Variants in CCDC33 observed in about 807,000 individuals in gnomAD.
CCDC33 encodes coiled-coil domain containing 33, also known as coiled-coil domain-containing protein 33.
CCDC33 carries 94 observed loss-of-function variants against 91.9 expected under a neutral mutation model. The ratio of observed to expected loss-of-function variants is 1.02; its 90% CI spans 0.87 to 1.21. The LOEUF (loss-of-function observed/expected upper bound fraction) is 1.21. Ranked by LOEUF, CCDC33 falls within the 50% of genes most tolerant of loss-of-function variation. The probability of loss-of-function intolerance (pLI) is 0.00; values close to 1 mark genes in which losing one functional copy is unlikely to be tolerated. For synonymous variants in CCDC33, 396 were observed against 374.5 expected (o/e 1.06, Z -0.66); for missense variants, 940 against 935.5 (o/e 1.00, Z -0.06).
At chr15:74,318,839 C>T (rs988927822) in intron 11 of CCDC33, among the ~76,000 whole-genome samples, 3 of 152,204 alleles carry the variant, frequency 2.0e-5, no homozygotes, top group African/African-American at 7.2e-5. Flanking sequence ...GAATCTTTTG[C>T]AAGGCCCCTG....
intron 4 of CCDC33, among the ~76,000 whole-genome samples, chr15:74,266,996 TA>T (rs55840311): frequency 0.99 from 150,534 of 152,330 alleles, 74,409 homozygotes; most frequent in East Asian, 1. Context: ...TTCATCTCTG[TA>T]AAAACAGCTG....
rs761828549 is a variant in CCDC33 at position 74,336,105 on chromosome 15, C to T, written c.*52C>T. On this transcript the variant is annotated 3_prime_UTR_variant, in exon 19 of 19. Coordinates refer to ENST00000398814, the MANE Select transcript of CCDC33 (RefSeq NM_025055.5). ...GTGCTGGGGAGTCTCATCACCGCCC[C>T]CTAAAAATGACGTTATTAAATGTTG... 10 of 1,593,850 alleles carry T rather than the reference C, an allele frequency of 6.3e-6. No homozygotes were observed. In the East Asian group the frequency reaches 2.2e-4, roughly 36 times the overall value.
intron 2 of CCDC33, among the ~76,000 whole-genome samples, chr15:74,245,729 T>C (rs1435395285): frequency 7.9e-6 from 1 of 126,940 alleles, no homozygotes; most frequent in Non-Finnish European, 1.7e-5. Context: ...GCACCCTCCC[T>C]GTGGCTGCGG....
Position 74,333,236 on chromosome 15 carries a change from T to G in CCDC33, c.1938+391T>G, listed in dbSNP as rs752116512. The G allele has an allele frequency of 1.9e-6, 3 of 1,596,250 alleles. No individual in the cohort carries two copies. The African/African-American group carries it at 4.0e-5, about 21-fold the overall frequency. ...TCCATCCCAGGTGGACCCCGGGGAG[T>G]TGGGAGCAGGAGGAGACTTGACAGA... On this transcript the variant is annotated intron_variant, in intron 16 of 18. Transcript: ENST00000398814.
intron 2 of CCDC33, among the ~76,000 whole-genome samples, chr15:74,248,650 C>T (rs1242938834): frequency 6.6e-6 from 1 of 152,198 alleles, no homozygotes; most frequent in Non-Finnish European, 1.5e-5. Context: ...AGGGTTCAGG[C>T]CCAAAGATGG....
intron 2 of CCDC33, among the ~76,000 whole-genome samples, chr15:74,223,539 A>G (rs1054354209): frequency 6.6e-6 from 1 of 152,058 alleles, no homozygotes; most frequent in Non-Finnish European, 1.5e-5. Context: ...CGGATTGAAT[A>G]TATTAATCTC....
At chr15:74,217,484 C>T in exon 1 of CCDC33, 3 of 1,289,754 alleles carry the variant, frequency 2.3e-6, no homozygotes, top group Non-Finnish European at 3.0e-6. Flanking sequence ...GGGACCCCTT[C>T]CCTGCCTGCT....
intron 1 of CCDC33, among the ~76,000 whole-genome samples, chr15:74,239,301 A>AC (rs1410260270): frequency 6.6e-6 from 1 of 151,252 alleles, no homozygotes; most frequent in Non-Finnish European, 1.5e-5. Context: ...CAAGTTAAGC[A>AC]CCCCCCAACC....
rs141438207 is a variant in CCDC33 at position 74,250,606 on chromosome 15, T to C, written c.185+6458T>C. ...CCAGGATATGTGCTTATGCACTTTA[T>C]GTGATTATGTGCGTACTCTTTGCCA... On this transcript the variant is annotated intron_variant, in intron 2 of 18. Transcript: ENST00000398814. Among the ~76,000 whole-genome samples the C allele has an allele frequency of 1.1e-4, 16 of 152,360 alleles. No individual in the cohort carries two copies. In the East Asian group the frequency reaches 3.1e-3, roughly 29 times the overall value.
At position 74,245,410 on chromosome 15, in the gene CCDC33, T is replaced by TC. The variant is rs2075491842; in HGVS notation, c.185+1264dup. Among the ~76,000 whole-genome samples, 4 of 152,214 alleles carry TC rather than the reference T, an allele frequency of 2.6e-5. No homozygotes were observed. The South Asian group carries it at 8.3e-4, about 32-fold the overall frequency. Reference sequence around the variant, plus strand: ...CGGCCATCCCTCCCCCAACTCCATTTCCGTGGTGAGGGAAGCACAGGTGGT... The same window carrying TC: ...CGGCCATCCCTCCCCCAACTCCATTTCCCGTGGTGAGGGAAGCACAGGTGGT... On this transcript the variant is annotated intron_variant, in intron 2 of 18. Coordinates refer to ENST00000398814, the MANE Select transcript of CCDC33 (RefSeq NM_025055.5).
At chr15:74,314,920 A>G (rs2060062201) in intron 11 of CCDC33, among the ~76,000 whole-genome samples, 1 of 152,238 alleles carries the variant, frequency 6.6e-6, no homozygotes, top group Admixed American at 6.5e-5. Context: ...ACAGCCAGGC[A>G]GGGCCCAGAG....
At chr15:74,283,820 C>CACACACACACACA (rs56079858) in intron 10 of CCDC33, among the ~76,000 whole-genome samples, 56 of 148,326 alleles carry the variant, frequency 3.8e-4, no homozygotes, top group South Asian at 6.5e-4. Context: ...ACACACACAC[C>CACACACACACACA]CCCTCTACAT....
chr15:74,330,982 A>G lies in CCDC33; in HGVS notation c.1547A>G (p.Lys516Arg). Residue 516 changes from lysine to arginine, a missense_variant and splice_region_variant, in exon 14 of 19, where the codon AAG (lysine) becomes AGG (arginine). Lys to Arg is a conservative substitution (Grantham distance 26). Coordinates refer to ENST00000398814, the MANE Select transcript of CCDC33 (RefSeq NM_025055.5). ...VQHLQNELIR[K>R]NDREKELLLL... ...CTTCTCTCCTCCCCCATCTCACAGA[A>G]GAATGATCGAGAGAAGGAGCTGCTC... The G allele has an allele frequency of 1.3e-6, 2 of 1,582,840 alleles. No individual in the cohort carries two copies. Among genetic ancestry groups the G allele is most frequent in the Non-Finnish European group, 1.7e-6 (2 of 1,164,144 alleles).
In CCDC33 at chr15:74,333,969, T is replaced by C; in HGVS notation, c.2025+2T>C. 6.2e-7 allele frequency: 1 copy of C among 1,612,876 alleles called. No individual in the cohort carries two copies. Among genetic ancestry groups the C allele is most frequent in the Non-Finnish European group, 8.5e-7 (1 of 1,179,224 alleles). The stretch of plus-strand genomic sequence containing the variant: ...CGGATCCTGTCCCTGGAAAGCCAGG[T>C]GGGTGAGATGCAGGAGTTGATGAGG... On this transcript the variant is annotated splice_donor_variant, in intron 17 of 18. Transcript: ENST00000398814. LOFTEE classifies it high-confidence loss of function.
intron 10 of CCDC33, among the ~76,000 whole-genome samples, chr15:74,289,637 C>T (rs977017511): frequency 6.6e-6 from 1 of 152,158 alleles, no homozygotes; most frequent in Non-Finnish European, 1.5e-5. Flanking sequence ...ATTGCTTGAA[C>T]CTGGGAGGTT....
At chr15:74,309,361 G>A (rs879635806) in intron 11 of CCDC33, among the ~76,000 whole-genome samples, 4 of 152,200 alleles carry the variant, frequency 2.6e-5, no homozygotes, top group South Asian at 2.1e-4. Flanking sequence ...GGTGCCTGGC[G>A]TGCAGTGGGT....
At position 74,316,454 on chromosome 15, in the gene CCDC33, G is replaced by A. The variant is rs1039416129; in HGVS notation, c.1291-13735G>A. ...AAATTCATGGCACGCCCGAGGATGG[G>A]AGCAGACTCAATCGATTGGCGCACA... On this transcript the variant is annotated intron_variant, in intron 11 of 18. Transcript: ENST00000398814. The surrounding 1 kb of genome is among the most constrained non-coding windows in gnomAD (Gnocchi z 4.7). 2.0e-5 allele frequency among the ~76,000 whole-genome samples: 3 copies of A among 152,248 alleles called. No homozygotes were observed. Among genetic ancestry groups the A allele is most frequent in the African/African-American group, 7.2e-5 (3 of 41,468 alleles).
At chr15:74,324,442 G>A (rs549531885) in intron 11 of CCDC33, among the ~76,000 whole-genome samples, 4 of 151,966 alleles carry the variant, frequency 2.6e-5, no homozygotes, top group East Asian at 1.9e-4. Flanking sequence ...CATCTCTAGC[G>A]GCGGGTTCAT....
intron 2 of CCDC33, among the ~76,000 whole-genome samples, chr15:74,246,922 G>A (rs147756386): frequency 2.0e-5 from 3 of 152,196 alleles, no homozygotes; most frequent in African/African-American, 4.8e-5. Context: ...CGAGGTGGGC[G>A]GATCACAGGG....
Sources: gnomAD v4.1 joint callset for allele counts (sites outside exome capture counted in the v4.1 genomes callset) on GRCh38, gnomAD v4.1.1 for gene constraint, Gnocchi (gnomAD v3.1) non-coding constraint, MANE v1.5 for transcripts, NCBI Gene and HGNC (gene_info 2026-07-23, HGNC 2026-07-21) for gene names.